FBXW8: variants seen among roughly 807,000 people sequenced by gnomAD.
FBXW8 encodes F-box and WD repeat domain containing 8, also known as F-box/WD repeat-containing protein 8.
In FBXW8, 57 loss-of-function variants were observed where a neutral mutation model predicts 65.3. The ratio of observed to expected loss-of-function variants is 0.87; its 90% CI spans 0.71 to 1.09. The LOEUF (loss-of-function observed/expected upper bound fraction) is 1.09. Ranked by LOEUF, FBXW8 falls within the 50% of genes least tolerant of loss-of-function variation. The probability of loss-of-function intolerance (pLI) is 0.00; values close to 1 mark genes in which losing one functional copy is unlikely to be tolerated. For missense variants in FBXW8, 777 were observed against 814.8 expected (o/e 0.95, Z 0.57); for synonymous variants, 308 against 330.2 (o/e 0.93, Z 0.73).
rs538934252 is a variant in FBXW8, at chr12:117,020,876, G to A, written c.1368-3271G>A. ...AGGATTTTATCCAGCATTTTTAAGC[G>A]TTTTACAGTGGAACTGTCAACATGT... On this transcript the variant is annotated intron_variant, in intron 8 of 10. Transcript: ENST00000652555. Among the ~76,000 whole-genome samples the A allele has an allele frequency of 3.3e-5, 5 of 152,304 alleles. No individual in the cohort carries two copies. In the East Asian group the frequency reaches 5.8e-4, roughly 18 times the overall value.
At chr12:116,944,714 G>A (rs1343363184) in intron 2 of FBXW8, among the ~76,000 whole-genome samples, 1 of 152,168 alleles carries the variant, frequency 6.6e-6, no homozygotes, top group Non-Finnish European at 1.5e-5. Flanking sequence ...AAAACAAAAT[G>A]CTAATAGTTA....
At chr12:116,939,296 A>G (rs1279835124) in intron 2 of FBXW8, among the ~76,000 whole-genome samples, 1 of 152,216 alleles carries the variant, frequency 6.6e-6, no homozygotes. Context: ...AGAATAATGC[A>G]AACGTCTGAA....
intron 4 of FBXW8, among the ~76,000 whole-genome samples, chr12:116,958,573 C>T (rs760228630): frequency 2.6e-5 from 4 of 152,166 alleles, no homozygotes; most frequent in East Asian, 3.8e-4. Context: ...CTGGTCATGG[C>T]GAGTTTATAG....
chr12:116,949,770 C>T, intron 4 of FBXW8, 64 bp downstream of exon 4: 2 of 1,419,392 alleles, frequency 1.4e-6, no homozygotes, highest in Non-Finnish European at 2.0e-6. Flanking sequence ...CTCATACCAC[C>T]CTCTGAGTAC....
At chr12:116,981,825 A>G (rs1191392089) in intron 5 of FBXW8, among the ~76,000 whole-genome samples, 1 of 152,082 alleles carries the variant, frequency 6.6e-6, no homozygotes, top group Non-Finnish European at 1.5e-5. Context: ...TGTTGGCCAG[A>G]CTGGTCTCAA....
intron 7 of FBXW8, among the ~76,000 whole-genome samples, chr12:116,990,044 T>C (rs1044649824): frequency 7.2e-5 from 11 of 152,238 alleles, no homozygotes; most frequent in Non-Finnish European, 4.4e-5. Flanking sequence ...TACATCTTAC[T>C]TCCTCCATGT....
chr12:116,917,132 A>G (rs1396638475), intron 1 of FBXW8, among the ~76,000 whole-genome samples: 2 of 152,248 alleles, frequency 1.3e-5, no homozygotes, highest in Admixed American at 6.5e-5. Flanking sequence ...GCTTGGATAC[A>G]GAGAGACATG....
chr12:116,941,974 T>C (rs1882598543), intron 2 of FBXW8, among the ~76,000 whole-genome samples: 1 of 152,192 alleles, frequency 6.6e-6, no homozygotes, highest in African/African-American at 2.4e-5. Flanking sequence ...ACTTGGGTCA[T>C]ATCCCACAGG....
At chr12:116,991,720 T>C (rs547612565) in intron 7 of FBXW8, among the ~76,000 whole-genome samples, 1 of 152,358 alleles carries the variant, frequency 6.6e-6, no homozygotes, top group Non-Finnish European at 1.5e-5. Flanking sequence ...TATTTGTTTG[T>C]ACCTGATACA....
intron 5 of FBXW8, among the ~76,000 whole-genome samples, chr12:116,983,866 C>T (rs757909940): frequency 2.0e-4 from 30 of 152,228 alleles, no homozygotes; most frequent in African/African-American, 7.0e-4. Flanking sequence ...TCATCTGCCT[C>T]ACAGTCCTAT....
intron 7 of FBXW8, among the ~76,000 whole-genome samples, chr12:116,992,676 C>T (rs1473357571): frequency 6.6e-6 from 1 of 151,876 alleles, no homozygotes; most frequent in Non-Finnish European, 1.5e-5. Flanking sequence ...TCTTGAGTTA[C>T]TTCACTTAGG....
At chr12:116,983,875 A>G (rs1273086928) in intron 5 of FBXW8, among the ~76,000 whole-genome samples, 2 of 152,220 alleles carry the variant, frequency 1.3e-5, no homozygotes, top group South Asian at 4.1e-4. Context: ...TCACAGTCCT[A>G]TGTAGTAGGT....
chr12:117,030,025 A>G lies in FBXW8; in HGVS notation c.*1853A>G, dbSNP rs1182170316. ...CTGAGGATGCAGAAGTACCTACCAC[A>G]TGGGAACCGTTTGTCCACACTCATT... is the stretch of plus-strand genomic sequence containing the variant. On this transcript the variant is annotated 3_prime_UTR_variant, in exon 11 of 11. Coordinates refer to ENST00000652555, the MANE Select transcript of FBXW8 (RefSeq NM_153348.3). The G allele has an allele frequency of 6.6e-6, 1 of 152,200 alleles. No individual in the cohort carries two copies. Among genetic ancestry groups the G allele is most frequent in the Non-Finnish European group, 1.5e-5 (1 of 68,028 alleles). 9.4% of individuals were successfully genotyped at this position (152,200 alleles called of 1,614,324 possible). A position where few individuals can be genotyped will look rare whatever the true frequency, so the allele number is the denominator to read the frequency against.
chr12:116,994,270 T>G (rs1188135142), intron 7 of FBXW8, among the ~76,000 whole-genome samples: 4 of 152,226 alleles, frequency 2.6e-5, no homozygotes, highest in Non-Finnish European at 5.9e-5. Context: ...GTGGTACTGG[T>G]GTAAAAGTAG....
intron 5 of FBXW8, among the ~76,000 whole-genome samples, chr12:116,974,825 A>C (rs1245934657): frequency 6.6e-6 from 1 of 152,214 alleles, no homozygotes; most frequent in African/African-American, 2.4e-5. Context: ...TTCTTCAATA[A>C]AAGGAACAAG....
chr12:117,025,076 C>G (rs987118315), intron 9 of FBXW8, among the ~76,000 whole-genome samples: 2 of 152,180 alleles, frequency 1.3e-5, no homozygotes, highest in Non-Finnish European at 2.9e-5. Context: ...CTGACTTGAG[C>G]CCACCTGCCA....
intron 2 of FBXW8, among the ~76,000 whole-genome samples, chr12:116,933,402 A>G (rs535897215): frequency 2.6e-5 from 4 of 152,384 alleles, no homozygotes; most frequent in Middle Eastern, 3.4e-3. Context: ...TTTCTCATCC[A>G]AAGAGTTTAT....
chr12:117,024,112 C>A, intron 8 of FBXW8, 35 bp from the exon 9 acceptor site: 1 of 1,601,330 alleles, frequency 6.2e-7, no homozygotes, highest in Non-Finnish European at 8.5e-7. Context: ...ACTCTAACCC[C>A]ATTTCCCTTC....
chr12:116,944,893 T>C (rs914625322), intron 2 of FBXW8, among the ~76,000 whole-genome samples: 1 of 152,242 alleles, frequency 6.6e-6, no homozygotes, highest in Non-Finnish European at 1.5e-5. Flanking sequence ...TAAATTTGAA[T>C]TTTTTACCTG....
Sources: allele counts gnomAD v4.1 joint callset (sites outside exome capture counted in the v4.1 genomes callset), GRCh38; gene constraint gnomAD v4.1.1; transcripts MANE v1.5; gene names NCBI Gene and HGNC (gene_info 2026-07-23, HGNC 2026-07-21).